The following HSD17B2 variants were observed in gnomAD, a reference collection of about 807,000 sequenced individuals.
HSD17B2 encodes the protein 17-beta-hydroxysteroid dehydrogenase type 2.
Under a neutral mutation model 26.9 loss-of-function variants are expected in HSD17B2, and 32 were observed. The ratio of observed to expected loss-of-function variants is 1.19; its 90% CI spans 0.90 to 1.60. The LOEUF (loss-of-function observed/expected upper bound fraction) is 1.60, where lower values mean the gene tolerates loss of function less well. HSD17B2 is among the 40% of genes most tolerant of loss of function. The pLI, the probability that HSD17B2 is intolerant of heterozygous loss-of-function variation, is 0.00. For synonymous variants in HSD17B2, 246 were observed against 186.7 expected (o/e 1.32, Z -2.59); for missense variants, 613 against 468.6 (o/e 1.31, Z -2.85).
intron 2 of HSD17B2, among the ~76,000 whole-genome samples, chr16:82,070,508 T>A (rs1043818786): frequency 6.6e-6 from 1 of 152,228 alleles, no homozygotes; most frequent in Non-Finnish European, 1.5e-5. Context: ...CCTTTAGACA[T>A]ACAGAGCCTC....
At chr16:82,072,990 G>C (rs138872260) in intron 3 of HSD17B2, among the ~76,000 whole-genome samples, 1 of 152,162 alleles carries the variant, frequency 6.6e-6, no homozygotes, top group African/African-American at 2.4e-5. Context: ...GAGCCTGGGA[G>C]GTTAAGACTG....
At chr16:82,069,906 G>A (rs539305433) in intron 2 of HSD17B2, among the ~76,000 whole-genome samples, 83 of 152,192 alleles carry the variant, frequency 5.5e-4, no homozygotes, top group African/African-American at 1.8e-3. Context: ...AGATCCCCCA[G>A]ACCCAATTAA....
chr16:82,098,149 G>T lies in HSD17B2; in HGVS notation c.877G>T (p.Glu293Ter). 6.2e-7 allele frequency: 1 copy of T among 1,614,054 alleles called. No homozygotes were observed. Among genetic ancestry groups the T allele is most frequent in the Non-Finnish European group, 8.5e-7 (1 of 1,180,000 alleles). ...ILDHLPAEVQ[E>*]DYGQDYILAQ... ...GGACCACCTCCCCGCTGAGGTACAG[G>T]AAGACTACGGCCAGGACTACATCTT... is the stretch of plus-strand genomic sequence containing the variant. The change falls in exon 5 of 5, where the codon GAA (glutamate) becomes TAA (stop). Residue 293 changes from glutamate to a stop codon, truncating the protein, a stop_gained. Coordinates refer to ENST00000199936, the MANE Select transcript of HSD17B2 (RefSeq NM_002153.3). LOFTEE classifies it low-confidence loss of function (END_TRUNC).
intron 3 of HSD17B2, among the ~76,000 whole-genome samples, chr16:82,079,902 G>A (rs925134527): frequency 2.0e-5 from 3 of 152,160 alleles, no homozygotes; most frequent in African/African-American, 7.2e-5. Flanking sequence ...GCTTATCTGG[G>A]AGTTCATTGC....
intron 4 of HSD17B2, chr16:82,094,879 A>T (rs1263206654): frequency 6.6e-6 from 1 of 152,254 alleles, no homozygotes; most frequent in African/African-American, 2.4e-5. Flanking sequence ...TCTTGCAGTG[A>T]GAAAATGGAG....
At chr16:82,077,444 G>A (rs1291357182) in intron 3 of HSD17B2, among the ~76,000 whole-genome samples, 7 of 152,154 alleles carry the variant, frequency 4.6e-5, no homozygotes, top group African/African-American at 1.7e-4. Context: ...ATGGTGCTGA[G>A]AAAACTCAGC....
At chr16:82,054,513 T>A (rs988642515) in intron 1 of HSD17B2, among the ~76,000 whole-genome samples, 2 of 152,096 alleles carry the variant, frequency 1.3e-5, no homozygotes, top group Non-Finnish European at 2.9e-5. Context: ...GCTGGCTAAT[T>A]TTTGCATTTT....
At chr16:82,078,313 T>C (rs570733134) in intron 3 of HSD17B2, among the ~76,000 whole-genome samples, 10 of 152,134 alleles carry the variant, frequency 6.6e-5, no homozygotes, top group African/African-American at 1.4e-4. Context: ...ATCAGAGAAA[T>C]GCAAATCAAA....
At chr16:82,090,661 C>T (rs185559806) in intron 3 of HSD17B2, among the ~76,000 whole-genome samples, 87 of 152,160 alleles carry the variant, frequency 5.7e-4, no homozygotes, top group African/African-American at 2.0e-3. Flanking sequence ...ATTGAGCCTT[C>T]AACTTGGTTT....
At chr16:82,047,393 T>C (rs1163386781) in intron 1 of HSD17B2, among the ~76,000 whole-genome samples, 2 of 152,224 alleles carry the variant, frequency 1.3e-5, no homozygotes, top group Non-Finnish European at 2.9e-5. Flanking sequence ...GAAAGGGGAT[T>C]AGAATCCATT....
At chr16:82,079,184 A>T in intron 3 of HSD17B2, among the ~76,000 whole-genome samples, 1 of 151,470 alleles carries the variant, frequency 6.6e-6, no homozygotes, top group South Asian at 2.1e-4. Context: ...ATTAAACATT[A>T]AAAAAAAAGA....
chr16:82,053,768 A>G (rs897492947), intron 1 of HSD17B2, among the ~76,000 whole-genome samples: 6 of 152,232 alleles, frequency 3.9e-5, no homozygotes, highest in Admixed American at 3.9e-4. Flanking sequence ...GTCCATGGAA[A>G]GAAAGCTTCA....
intron 3 of HSD17B2, among the ~76,000 whole-genome samples, chr16:82,074,730 T>C (rs991563155): frequency 5.9e-5 from 9 of 152,192 alleles, no homozygotes; most frequent in Non-Finnish European, 1.0e-4. Flanking sequence ...AACAGAGAGA[T>C]AGACCTCAAT....
intron 1 of HSD17B2, among the ~76,000 whole-genome samples, chr16:82,051,744 G>GA (rs913976861): frequency 6.6e-6 from 1 of 152,118 alleles, no homozygotes; most frequent in African/African-American, 2.4e-5. Context: ...AATAAAAAAA[G>GA]AAAAAAAGAG....
At chr16:82,042,542 A>G (rs1807528700) in intron 1 of HSD17B2, among the ~76,000 whole-genome samples, 2 of 152,218 alleles carry the variant, frequency 1.3e-5, no homozygotes, top group Non-Finnish European at 2.9e-5. Flanking sequence ...GAAATAGAAA[A>G]TTGTGGATCT....
chr16:82,054,224 GA>G (rs998667911), intron 1 of HSD17B2, among the ~76,000 whole-genome samples: 22 of 136,828 alleles, frequency 1.6e-4, no homozygotes, highest in African/African-American at 5.2e-4. Flanking sequence ...AAAAAAAAAA[GA>G]AAAAAAAGAA....
intron 3 of HSD17B2, among the ~76,000 whole-genome samples, chr16:82,080,748 C>A (rs1455998041): frequency 6.6e-6 from 1 of 152,116 alleles, no homozygotes; most frequent in East Asian, 1.9e-4. Context: ...AACTTCATTC[C>A]TCCCAATCTC....
intron 1 of HSD17B2, among the ~76,000 whole-genome samples, chr16:82,038,585 GA>G (rs1490451282): frequency 2.0e-5 from 3 of 152,164 alleles, no homozygotes; most frequent in African/African-American, 7.2e-5. Flanking sequence ...AATGAACAAA[GA>G]GCAGACCAAC....
At chr16:82,048,550 G>C (rs1239474900) in intron 1 of HSD17B2, among the ~76,000 whole-genome samples, 1 of 152,170 alleles carries the variant, frequency 6.6e-6, no homozygotes, top group Non-Finnish European at 1.5e-5. Context: ...AAGTTTGGTG[G>C]AAGAGAGAAA....
Sources: gnomAD v4.1 joint callset for allele counts (sites outside exome capture counted in the v4.1 genomes callset) on GRCh38, gnomAD v4.1.1 for gene constraint, MANE v1.5 for transcripts, NCBI Gene and HGNC (gene_info 2026-07-23, HGNC 2026-07-21) for gene names.